The following PLB1 variants were observed in gnomAD, a reference collection of about 807,000 sequenced individuals.
The protein encoded by PLB1 is phospholipase B1.
PLB1 carries 242 observed loss-of-function variants against 227.4 expected under a neutral mutation model. The ratio of observed to expected loss-of-function variants is 1.06; its 90% CI spans 0.96 to 1.18. The LOEUF is 1.18. PLB1 is among the 50% of genes most tolerant of loss of function. The pLI is 0.00. For synonymous variants in PLB1, 757 were observed against 682.2 expected, an observed-to-expected ratio of 1.11 and a Z score of -1.71; for missense variants, 1,858 against 1,816.3, an observed-to-expected ratio of 1.02 and a Z score of -0.42.
chr2:28,562,984 G>T (rs1378762325), intron 17 of PLB1, 57 bp from the exon 18 acceptor site: 6 of 1,472,942 alleles, frequency 4.1e-6, no homozygotes, highest in Non-Finnish European at 5.7e-6. Flanking sequence ...CAGAGTAGAT[G>T]GGTCCAGTGC....
In PLB1 at chr2:28,516,793, TCTG is replaced by T. The variant is rs761697431; in HGVS notation, c.56-12_56-10del. 1 of 1,609,622 alleles carries T rather than the reference TCTG, an allele frequency of 6.2e-7. No individual in the cohort carries two copies. The highest frequency in any genetic ancestry group is 8.5e-7 in the Non-Finnish European group (1 of 1,176,196). On this transcript the variant is annotated splice_polypyrimidine_tract_variant and intron_variant, in intron 1 of 57. Transcript: ENST00000327757. ...TTCCAGCTAAATAACTTGAACTATT[TCTG>T]CTTTCTTTCAGGGACCCCTCAGATC... is the stretch of plus-strand genomic sequence containing the variant.
At position 28,643,972 on chromosome 2, in the gene PLB1, G is replaced by A. The variant is rs1226511012; in HGVS notation, c.*911G>A. Among the ~76,000 whole-genome samples the A allele has an allele frequency of 6.6e-6, 1 of 152,210 alleles. No homozygotes were observed. Among genetic ancestry groups the A allele is most frequent in the Non-Finnish European group, 1.5e-5 (1 of 68,036 alleles). ...GCCTTCCACAGATGGTCTCTTTTAT[G>A]CTGCACAAAAGCCCAGGGAGGGGGT... On this transcript the variant is annotated 3_prime_UTR_variant, in exon 58 of 58. Transcript: ENST00000327757.
intron 38 of PLB1, among the ~76,000 whole-genome samples, 182 bp from the exon 39 acceptor site, chr2:28,602,639 A>G (rs571545606): frequency 3.3e-4 from 51 of 152,344 alleles, no homozygotes; most frequent in African/African-American, 1.2e-3. Context: ...GGTGGCACCC[A>G]TGGAGTTGTG....
At chr2:28,522,232 G>A (rs1327024571) in intron 4 of PLB1, among the ~76,000 whole-genome samples, 3 of 151,864 alleles carry the variant, frequency 2.0e-5, no homozygotes, top group Non-Finnish European at 4.4e-5. Context: ...GAGGGAAATG[G>A]GTATAACAGA....
intron 25 of PLB1, among the ~76,000 whole-genome samples, chr2:28,584,694 G>A (rs905711129): frequency 5.9e-5 from 9 of 152,226 alleles, no homozygotes; most frequent in Non-Finnish European, 1.0e-4. Flanking sequence ...CCTCTCCACT[G>A]TTTCATCGGG....
chr2:28,610,073 T>C (rs570206228), intron 43 of PLB1, among the ~76,000 whole-genome samples: 5 of 152,274 alleles, frequency 3.3e-5, no homozygotes, highest in Admixed American at 2.6e-4. Context: ...TGGCCTCTGC[T>C]TAAATGTTCA....
At chr2:28,592,824 C>A in intron 32 of PLB1, 105 bp downstream of exon 32, 1 of 1,043,394 alleles carries the variant, frequency 9.6e-7, no homozygotes, top group Non-Finnish European at 1.4e-6. Flanking sequence ...CCTTATCTTG[C>A]CCCTCTACCT....
At chr2:28,593,558 T>C (rs10176136) in intron 32 of PLB1, 123 bp from the exon 33 acceptor site, 481,281 of 763,862 alleles carry the variant, frequency 0.63, 156,825 homozygotes, top group Non-Finnish European at 0.68. Flanking sequence ...GGCTCCTGGT[T>C]CCATGTCTGC....
chr2:28,624,533 G>GGA (rs1232589802), intron 49 of PLB1, among the ~76,000 whole-genome samples: 1 of 146,690 alleles, frequency 6.8e-6, no homozygotes, highest in African/African-American at 2.5e-5. Flanking sequence ...TGGAGAGGGA[G>GGA]AAAAAAAAAA....
chr2:28,522,181 C>G (rs1669610746), intron 4 of PLB1, among the ~76,000 whole-genome samples: 1 of 151,942 alleles, frequency 6.6e-6, no homozygotes, highest in Admixed American at 6.6e-5. Flanking sequence ...CTGGATGAAG[C>G]TGGCCAGACC....
intron 1 of PLB1, among the ~76,000 whole-genome samples, chr2:28,511,970 T>TA (rs1553398614): frequency 2.0e-5 from 3 of 149,242 alleles, no homozygotes; most frequent in African/African-American, 4.9e-5. Context: ...TTTTTTTTTT[T>TA]AGTAGAGATG....
At chr2:28,498,994 T>C (rs1262695218) in intron 1 of PLB1, among the ~76,000 whole-genome samples, 1 of 152,174 alleles carries the variant, frequency 6.6e-6, no homozygotes, top group African/African-American at 2.4e-5. Flanking sequence ...ATTTAGATCT[T>C]TAATGCCTCT....
intron 21 of PLB1, 35 bp downstream of exon 21, chr2:28,573,340 G>C: frequency 6.7e-7 from 1 of 1,495,514 alleles, no homozygotes; most frequent in Admixed American, 1.7e-5. Flanking sequence ...GAACAGCACA[G>C]GTCCTCTGAG....
In PLB1 at chr2:28,597,919, T is replaced by TG; in HGVS notation, c.2322-81dup. The TG allele has an allele frequency of 4.6e-6, 6 of 1,298,412 alleles. No homozygotes were observed. The East Asian group carries it at 1.2e-4, about 25-fold the overall frequency. The allele number at this position is 1,298,412 out of a possible 1,614,324, so 80.4% of individuals were successfully genotyped here. ...AGGTGCCGATGGGCACTAAGAAGGG[T>TG]GGGGGCTGCTCTTGTGTAAAGTTCC... On this transcript the variant is annotated intron_variant, in intron 33 of 57. Transcript: ENST00000327757.
intron 6 of PLB1, 112 bp downstream of exon 6, chr2:28,526,057 C>G: frequency 8.2e-7 from 1 of 1,225,068 alleles, no homozygotes; most frequent in Non-Finnish European, 1.2e-6. Context: ...TCACTGGAGC[C>G]CAGGAGAAAG....
At chr2:28,575,812 A>G (rs1309314930) in intron 21 of PLB1, among the ~76,000 whole-genome samples, 2 of 152,108 alleles carry the variant, frequency 1.3e-5, no homozygotes, top group Non-Finnish European at 2.9e-5. Context: ...CGGCCTCCCA[A>G]AGTGCTGGGA....
At chr2:28,555,812 G>A (rs12618917) in intron 17 of PLB1, among the ~76,000 whole-genome samples, 138,169 of 151,432 alleles carry the variant, frequency 0.91, 63,379 homozygotes, top group East Asian at 0.99. Context: ...TTTTTCACTA[G>A]GAATATCTTT....
chr2:28,629,289 C>T, intron 53 of PLB1, 104 bp downstream of exon 53: 7 of 992,308 alleles, frequency 7.1e-6, no homozygotes, highest in Non-Finnish European at 1.0e-5. Context: ...GCAGGCCTGC[C>T]AGAGGGTAGA....
At chr2:28,637,354 C>T (rs1018244164) in intron 56 of PLB1, among the ~76,000 whole-genome samples, 24 of 151,040 alleles carry the variant, frequency 1.6e-4, no homozygotes, top group Non-Finnish European at 3.1e-4. Context: ...CCTGACCGGG[C>T]TTATCCCCAG....
Sources: allele counts gnomAD v4.1 joint callset (sites outside exome capture counted in the v4.1 genomes callset), GRCh38; gene constraint gnomAD v4.1.1; transcripts MANE v1.5; gene names NCBI Gene and HGNC (gene_info 2026-07-23, HGNC 2026-07-21).